Variants in SLC35A3 observed in about 807,000 individuals in gnomAD.
SLC35A3 encodes UDP-N-acetylglucosamine transporter.
SLC35A3 carries 26 observed loss-of-function variants against 39.0 expected under a neutral mutation model. The observed-to-expected ratio is 0.67, with a 90% CI of 0.49 to 0.92. SLC35A3 has a LOEUF of 0.92. SLC35A3 is among the 40% of genes least tolerant of loss of function. The pLI, the probability that SLC35A3 is intolerant of heterozygous loss-of-function variation, is 0.00. For missense variants in SLC35A3, 299 were observed against 371.6 expected, an observed-to-expected ratio of 0.80 and a Z score of 1.61; for synonymous variants, 135 against 133.1, an observed-to-expected ratio of 1.01 and a Z score of -0.10.
rs550233317 is a variant in SLC35A3 at position 100,025,297 on chromosome 1, A to G, written c.*2821A>G. ...AGTATTGGTTGGTTACTTATGTATT[A>G]ATGCAGTGTGCATTCACATTTAATC... On this transcript the variant is annotated 3_prime_UTR_variant, in exon 8 of 8. Transcript: ENST00000533028. The G allele has an allele frequency of 2.0e-5, 3 of 152,366 alleles. No homozygotes were observed. The East Asian group carries it at 5.8e-4, about 29-fold the overall frequency. The allele number at this position is 152,366 out of a possible 1,614,324, so 9.4% of individuals were successfully genotyped here.
chr1:100,015,875 G>A (rs72965799), intron 6 of SLC35A3, among the ~76,000 whole-genome samples: 4,906 of 152,090 alleles, frequency 0.032, 282 homozygotes, highest in African/African-American at 0.11. Flanking sequence ...CAAGGGTTGA[G>A]TAATTAATTA....
chr1:99,978,474 C>T (rs1022652392), intron 1 of SLC35A3, among the ~76,000 whole-genome samples: 5 of 152,170 alleles, frequency 3.3e-5, no homozygotes, highest in Middle Eastern at 6.3e-3. Flanking sequence ...CAGCAGTGAG[C>T]CGTGGCATGC....
chr1:100,013,977 TG>T (rs1381302157), intron 5 of SLC35A3, among the ~76,000 whole-genome samples: 1 of 152,208 alleles, frequency 6.6e-6, no homozygotes, highest in Non-Finnish European at 1.5e-5. Flanking sequence ...CATGTAAGCA[TG>T]AATTTCTTTA....
rs548034215 is a variant in SLC35A3 at position 100,025,797 on chromosome 1, G to C, written c.*3321G>C. 1.3e-5 allele frequency: 2 copies of C among 151,984 alleles called. No individual in the cohort carries two copies. Among genetic ancestry groups the C allele is most frequent in the African/African-American group, 2.4e-5 (1 of 41,370 alleles). 9.4% of individuals were successfully genotyped at this position (151,984 alleles called of 1,614,324 possible). A position where few individuals can be genotyped will look rare whatever the true frequency, so the allele number is the denominator to read the frequency against. ...TCCTATACTTTTTATTTGTTATCAC[G>C]CAACTACTTTGTTCAATGTGAAAAT... is the stretch of plus-strand genomic sequence containing the variant. On this transcript the variant is annotated 3_prime_UTR_variant, in exon 8 of 8. Coordinates refer to ENST00000533028, the MANE Select transcript of SLC35A3 (RefSeq NM_012243.3).
At chr1:99,995,277 C>T (rs111363595) in intron 2 of SLC35A3, among the ~76,000 whole-genome samples, 4,332 of 151,680 alleles carry the variant, frequency 0.029, 95 homozygotes, top group African/African-American at 0.053. Flanking sequence ...CTCAGCCTCC[C>T]GAGTAGCTGT....
intron 7 of SLC35A3, among the ~76,000 whole-genome samples, chr1:100,022,016 C>G (rs1163671318): frequency 1.3e-5 from 2 of 152,124 alleles, no homozygotes; most frequent in African/African-American, 4.8e-5. Context: ...CTTAAAATAG[C>G]TTTGCTTTGG....
chr1:99,987,944 A>C (rs553566446), intron 1 of SLC35A3, among the ~76,000 whole-genome samples: 92 of 152,338 alleles, frequency 6.0e-4, no homozygotes, highest in Non-Finnish European at 1.6e-4. Flanking sequence ...CTGGTTAGGA[A>C]TGCTATTATT....
intron 5 of SLC35A3, among the ~76,000 whole-genome samples, chr1:100,012,587 G>C (rs915274389): frequency 6.6e-6 from 1 of 152,136 alleles, no homozygotes; most frequent in African/African-American, 2.4e-5. Context: ...AACATGATAA[G>C]ATCCAATTTA....
intron 1 of SLC35A3, chr1:99,974,955 T>C (rs1010253370): frequency 2.0e-5 from 3 of 152,126 alleles, no homozygotes; most frequent in Non-Finnish European, 4.4e-5. Flanking sequence ...TTTGTCTTTT[T>C]TTTTTTTTGA....
chr1:100,023,202 A>G lies in SLC35A3; in HGVS notation c.*726A>G, dbSNP rs964030548. 3.3e-5 allele frequency: 5 copies of G among 152,192 alleles called. No individual in the cohort carries two copies. The highest frequency in any genetic ancestry group is 9.6e-5 in the African/African-American group (4 of 41,470). 9.4% of individuals were successfully genotyped at this position (152,192 alleles called of 1,614,324 possible). On this transcript the variant is annotated 3_prime_UTR_variant, in exon 8 of 8. Transcript: ENST00000533028. ...CTAGATGGTAGCCAGAGAATTTTAT[A>G]GTAATGGAGGTTAGCCCTTAATCTC...
intron 3 of SLC35A3, 49 bp downstream of exon 3, chr1:99,999,464 C>CAATTATTATGT: frequency 4.7e-6 from 6 of 1,269,410 alleles, no homozygotes; most frequent in South Asian, 1.4e-5. Flanking sequence ...TTTTCTTATA[C>CAATTATTATGT]ATAATAATTG....
chr1:99,973,022 G>T (rs1466129964), intron 1 of SLC35A3, among the ~76,000 whole-genome samples: 1 of 152,164 alleles, frequency 6.6e-6, no homozygotes, highest in Non-Finnish European at 1.5e-5. Flanking sequence ...CTTTTACTTA[G>T]TAGAAATTCA....
At chr1:100,005,037 A>G (rs1659118238) in intron 3 of SLC35A3, among the ~76,000 whole-genome samples, 1 of 152,240 alleles carries the variant, frequency 6.6e-6, no homozygotes. Context: ...GATTACAGGC[A>G]TGAGCCTCCA....
rs183701374 is a variant in SLC35A3 at position 100,030,836 on chromosome 1, T to C, written c.*8360T>C. 1 of 152,348 alleles carries C rather than the reference T, an allele frequency of 6.6e-6. No individual in the cohort carries two copies. Among genetic ancestry groups the C allele is most frequent in the African/African-American group, 2.4e-5 (1 of 41,582 alleles). 9.4% of individuals were successfully genotyped at this position (152,348 alleles called of 1,614,324 possible). ...TGATGCTAAGTGCTTTTTTAATATA[T>C]GCATGCTGCTTCAATAGGTCTTTTA... On this transcript the variant is annotated 3_prime_UTR_variant, in exon 8 of 8. Transcript: ENST00000533028.
chr1:100,004,069 G>T (rs1659024124), intron 3 of SLC35A3, among the ~76,000 whole-genome samples: 2 of 152,100 alleles, frequency 1.3e-5, no homozygotes, highest in South Asian at 2.1e-4. Context: ...AATCCATTTT[G>T]CCAGTCCATA....
intron 2 of SLC35A3, among the ~76,000 whole-genome samples, chr1:99,998,248 A>G (rs7531066): frequency 0.15 from 22,820 of 150,726 alleles, 2,390 homozygotes; most frequent in African/African-American, 0.3. Context: ...TCAAACTCCT[A>G]GGCTCAGTTG....
intron 1 of SLC35A3, among the ~76,000 whole-genome samples, chr1:99,970,908 C>G (rs1169422922): frequency 2.0e-5 from 3 of 152,176 alleles, no homozygotes; most frequent in Non-Finnish European, 4.4e-5. Context: ...GACTTGTAAA[C>G]TTATATTTCT....
In SLC35A3 at chr1:100,022,811, T is replaced by C. The variant is rs2101504953; in HGVS notation, c.*335T>C. 1 of 169,260 alleles carries C rather than the reference T, an allele frequency of 5.9e-6. No homozygotes were observed. The highest frequency in any genetic ancestry group is 2.0e-4 in the South Asian group (1 of 5,024). 10.5% of individuals were successfully genotyped at this position (169,260 alleles called of 1,614,324 possible). A position where few individuals can be genotyped will look rare whatever the true frequency, so the allele number is the denominator to read the frequency against. Reference sequence around the variant, plus strand: ...ACACAACAAATGTCAGATACCAATTTTTGCAAATTAGATTTAATCTTATTA... The same window carrying C: ...ACACAACAAATGTCAGATACCAATTCTTGCAAATTAGATTTAATCTTATTA... On this transcript the variant is annotated 3_prime_UTR_variant, in exon 8 of 8. Transcript: ENST00000533028.
intron 3 of SLC35A3, among the ~76,000 whole-genome samples, chr1:99,999,651 G>T (rs1190331693): frequency 6.6e-6 from 1 of 151,930 alleles, no homozygotes; most frequent in Non-Finnish European, 1.5e-5. Context: ...GTTAACCATA[G>T]TCACCTTACT....
Sources: gnomAD v4.1 joint callset for allele counts (sites outside exome capture counted in the v4.1 genomes callset) on GRCh38, gnomAD v4.1.1 for gene constraint, MANE v1.5 for transcripts, NCBI Gene and HGNC (gene_info 2026-07-23, HGNC 2026-07-21) for gene names.